TRAF3: variants seen among roughly 807,000 people sequenced by gnomAD.
TRAF3 encodes TNF receptor-associated factor 3.
A neutral mutation model predicts 62.3 loss-of-function variants in TRAF3; 13 were observed. That is an observed-to-expected ratio of 0.21 (90% confidence interval 0.14 to 0.33). TRAF3 has a LOEUF of 0.33. Among genes scored for constraint, TRAF3 ranks in the 10% least tolerant of loss-of-function variants. The pLI is 1.00. For synonymous variants in TRAF3, 269 were observed against 283.4 expected (o/e 0.95, Z 0.51); for missense variants, 440 against 741.8 (o/e 0.59, Z 4.73).
intron 2 of TRAF3, among the ~76,000 whole-genome samples, chr14:102,834,357 A>G (rs1039650985): frequency 6.6e-6 from 1 of 152,122 alleles, no homozygotes; most frequent in Non-Finnish European, 1.5e-5. Flanking sequence ...TCCCTATTCA[A>G]TCAGCGGTGC....
intron 7 of TRAF3, 87 bp downstream of exon 7, chr14:102,886,356 C>A (rs561721988): frequency 4.5e-5 from 54 of 1,199,680 alleles, no homozygotes; most frequent in Non-Finnish European, 6.3e-5. Context: ...CGAAGCCTCA[C>A]GTTTTCCCAG....
At position 102,869,167 on chromosome 14, in the gene TRAF3, A is replaced by T. The variant is rs970720646; in HGVS notation, c.-17-1018A>T. On this transcript the variant is annotated intron_variant, in intron 2 of 11. Coordinates refer to ENST00000392745, the MANE Select transcript of TRAF3 (RefSeq NM_145725.3). The stretch of plus-strand genomic sequence containing the variant: ...GGTGTGACGTGCTCTGTGGGTCCAC[A>T]ACGGGCCCACTCCACAGCTCTGTGC... 5.3e-5 allele frequency among the ~76,000 whole-genome samples: 8 copies of T among 152,332 alleles called. 1 individual carries two copies. The South Asian group carries it at 6.2e-4, about 12-fold the overall frequency.
At chr14:102,832,088 T>G (rs1417240104) in intron 2 of TRAF3, among the ~76,000 whole-genome samples, 1 of 152,158 alleles carries the variant, frequency 6.6e-6, no homozygotes. Context: ...TTCCTTAAAT[T>G]TATTTTTCTT....
At chr14:102,779,269 C>T (rs1052475245) in intron 1 of TRAF3, among the ~76,000 whole-genome samples, 35 of 123,414 alleles carry the variant, frequency 2.8e-4, no homozygotes, top group African/African-American at 4.9e-4. Context: ...AGAATTCCAG[C>T]TTTTTTTTTT....
chr14:102,848,157 A>G (rs1335482397), intron 2 of TRAF3, among the ~76,000 whole-genome samples: 1 of 152,224 alleles, frequency 6.6e-6, no homozygotes, highest in African/African-American at 2.4e-5. Context: ...AAGAAAAGAA[A>G]TTACTCTGTG....
At chr14:102,816,303 A>C (rs1461791194) in intron 1 of TRAF3, among the ~76,000 whole-genome samples, 8 of 151,916 alleles carry the variant, frequency 5.3e-5, no homozygotes, top group Non-Finnish European at 7.4e-5. Flanking sequence ...GGGTTTTACC[A>C]TGTTGGCCAG....
intron 9 of TRAF3, chr14:102,895,044 G>C (rs958491218): frequency 2.2e-6 from 1 of 455,158 alleles, no homozygotes; most frequent in African/African-American, 2.0e-5. Context: ...TTTTTCAAAA[G>C]AGTTGGCATA....
Position 102,905,751 on chromosome 14 carries a change from C to G in TRAF3, c.1674C>G (p.Val558=). The part of the protein sequence containing the change: ...YIKDDTIFIK[V]IVDTSDLPDP The stretch of plus-strand genomic sequence containing the variant: ...AAGATGATACAATTTTTATTAAAGT[C>G]ATAGTGGATACTTCGGATCTGCCCG... Residue 558 remains valine, a synonymous_variant, in exon 12 of 12, where the codon GTC becomes GTG. Coordinates refer to ENST00000392745, the MANE Select transcript of TRAF3 (RefSeq NM_145725.3). 6.2e-7 allele frequency: 1 copy of G among 1,613,376 alleles called. No individual in the cohort carries two copies. The highest frequency in any genetic ancestry group is 1.7e-5 in the Admixed American group (1 of 59,950).
chr14:102,840,403 TA>T (rs1183847617), intron 2 of TRAF3, among the ~76,000 whole-genome samples: 8 of 152,110 alleles, frequency 5.3e-5, no homozygotes, highest in African/African-American at 1.9e-4. Flanking sequence ...GATAATTTTT[TA>T]TTTTTTTTTG....
chr14:102,877,360 C>T (rs1196725963), intron 6 of TRAF3, among the ~76,000 whole-genome samples: 1 of 145,686 alleles, frequency 6.9e-6, no homozygotes, highest in East Asian at 2.0e-4. Context: ...TGTAGATAAT[C>T]CATTCCACAG....
At chr14:102,795,907 A>G (rs187847181) in intron 1 of TRAF3, among the ~76,000 whole-genome samples, 180 of 152,260 alleles carry the variant, frequency 1.2e-3, no homozygotes, top group African/African-American at 3.7e-3. Flanking sequence ...TGCCTGTGTA[A>G]TGAAGCCACC....
chr14:102,894,867 T>C (rs111422899), intron 9 of TRAF3, among the ~76,000 whole-genome samples: 31 of 152,234 alleles, frequency 2.0e-4, no homozygotes, highest in African/African-American at 7.2e-4. Context: ...TGGCTAATTT[T>C]TGTGTTTTTT....
chr14:102,907,635 G>GC lies in TRAF3; in HGVS notation c.*1852dup, dbSNP rs2140019259. On this transcript the variant is annotated 3_prime_UTR_variant, in exon 12 of 12. Transcript: ENST00000392745. The stretch of plus-strand genomic sequence containing the variant: ...GCCTGCCTCGGCTCTCCCCGTGGCC[G>GC]CGCGGGGACAGCTTGGTGGGTGCCC... 6.6e-6 allele frequency: 1 copy of GC among 152,386 alleles called. No homozygotes were observed. Among genetic ancestry groups the GC allele is most frequent in the East Asian group, 1.9e-4 (1 of 5,184 alleles). 9.4% of individuals were successfully genotyped at this position (152,386 alleles called of 1,614,324 possible).
intron 7 of TRAF3, among the ~76,000 whole-genome samples, chr14:102,887,577 GTC>G (rs2139924943): frequency 6.6e-6 from 1 of 152,284 alleles, no homozygotes; most frequent in East Asian, 1.9e-4. Flanking sequence ...TGTATAAAGA[GTC>G]TGTGCTGTTG....
chr14:102,858,212 C>T (rs866180022), intron 2 of TRAF3, among the ~76,000 whole-genome samples: 1 of 151,392 alleles, frequency 6.6e-6, no homozygotes, highest in African/African-American at 2.4e-5. Flanking sequence ...CATGCAATGG[C>T]GTGATCTTGG....
chr14:102,816,785 A>G (rs183839481), intron 1 of TRAF3, among the ~76,000 whole-genome samples: 235 of 152,260 alleles, frequency 1.5e-3, no homozygotes, highest in Non-Finnish European at 2.7e-3. Context: ...GATGACTGAC[A>G]CTGTGGATGG....
chr14:102,797,097 T>G (rs1226993375), intron 1 of TRAF3, among the ~76,000 whole-genome samples: 1 of 152,212 alleles, frequency 6.6e-6, no homozygotes, highest in African/African-American at 2.4e-5. Flanking sequence ...GGGGGCAGCA[T>G]CATTCACACA....
intron 1 of TRAF3, among the ~76,000 whole-genome samples, chr14:102,801,187 T>A (rs993471899): frequency 3.3e-5 from 5 of 152,086 alleles, no homozygotes; most frequent in African/African-American, 9.7e-5. Context: ...TTACCTAGGC[T>A]AGTCTCAGAC....
intron 2 of TRAF3, among the ~76,000 whole-genome samples, chr14:102,832,359 C>T (rs116907114): frequency 0.031 from 4,746 of 152,262 alleles, 80 homozygotes; most frequent in Admixed American, 0.054. Flanking sequence ...TGGTCTGCAA[C>T]CCACTCCATT....
Sources: gnomAD v4.1 joint callset for allele counts (sites outside exome capture counted in the v4.1 genomes callset) on GRCh38, gnomAD v4.1.1 for gene constraint, MANE v1.5 for transcripts, NCBI Gene and HGNC (gene_info 2026-07-23, HGNC 2026-07-21) for gene names.